TLR4: variants seen among roughly 807,000 people sequenced by gnomAD.
TLR4 encodes the protein toll like receptor 4.
A neutral mutation model predicts 27.4 loss-of-function variants in TLR4; 17 were observed. The ratio of observed to expected loss-of-function variants is 0.62; its 90% CI spans 0.42 to 0.93. The LOEUF is 0.93. TLR4 is among the 40% of genes least tolerant of loss of function. The pLI, the probability that TLR4 is intolerant of heterozygous loss-of-function variation, is 0.00. For synonymous variants in TLR4, 363 were observed against 365.7 expected, an observed-to-expected ratio of 0.99 and a Z score of 0.08; for missense variants, 926 against 962.3, an observed-to-expected ratio of 0.96 and a Z score of 0.50.
chr9:117,704,512 G>T lies in TLR4; in HGVS notation c.40G>T (p.Ala14Ser). 2 of 1,613,826 alleles carry T rather than the reference G, an allele frequency of 1.2e-6. No homozygotes were observed. The highest frequency in any genetic ancestry group is 1.7e-6 in the Non-Finnish European group (2 of 1,179,962). ...ASRLAGTLIP[A>S]MAFLSCVRPE... is the part of the protein sequence containing the mutation. Reference sequence around the variant, plus strand: ...GCGCCTGGCTGGGACTCTGATCCCAGCCATGGCCTTCCTCTCCTGCGTGAG... The same window carrying T: ...GCGCCTGGCTGGGACTCTGATCCCATCCATGGCCTTCCTCTCCTGCGTGAG... Residue 14 changes from alanine to serine, a missense_variant, in exon 1 of 3, where the codon GCC becomes TCC. Transcript: ENST00000355622.
chr9:117,708,575 A>G lies in TLR4; in HGVS notation c.106A>G (p.Ile36Val), dbSNP rs749333850. 1.2e-5 allele frequency: 19 copies of G among 1,613,672 alleles called. No individual in the cohort carries two copies. The highest frequency in any genetic ancestry group is 1.5e-5 in the Non-Finnish European group (18 of 1,179,756). ...WEPCVEVVPNITYQCMELNFY... is the reference protein window; with the variant it reads ...WEPCVEVVPNVTYQCMELNFY... ...GTAATCATTGCAGGTGGTTCCTAAT[A>G]TTACTTATCAATGCATGGAGCTGAA... is the stretch of plus-strand genomic sequence containing the variant. Residue 36 changes from isoleucine (I) to valine (V), a missense_variant, in exon 2 of 3, where the codon ATT becomes GTT. Physicochemically the swap from Ile to Val is conservative, Grantham distance 29. Transcript: ENST00000355622.
Position 117,704,520 on chromosome 9 carries a change from C to A in TLR4, c.48C>A (p.Ala16=), listed in dbSNP as rs1277381005. The A allele has an allele frequency of 1.2e-6, 2 of 1,613,936 alleles. No individual in the cohort carries two copies. Among genetic ancestry groups the A allele is most frequent in the South Asian group, 2.2e-5 (2 of 91,084 alleles). ...CTGGGACTCTGATCCCAGCCATGGC[C>A]TTCCTCTCCTGCGTGAGACCAGAAA... ...RLAGTLIPAM[A]FLSCVRPESW... Residue 16 remains alanine (A), a synonymous_variant, in exon 1 of 3, where the codon GCC becomes GCA. Coordinates refer to ENST00000355622, the MANE Select transcript of TLR4 (RefSeq NM_138554.5).
At chr9:117,704,662 A>G in intron 1 of TLR4, 97 bp downstream of exon 1, 1 of 1,041,488 alleles carries the variant, frequency 9.6e-7, no homozygotes. Flanking sequence ...AAAAAAAAAA[A>G]AGAGTTAAAT....
At position 117,713,162 on chromosome 9, in the gene TLR4, T is replaced by C; in HGVS notation, c.1034T>C (p.Phe345Ser). 1 of 1,614,014 alleles carries C rather than the reference T, an allele frequency of 6.2e-7. No homozygotes were observed. Residue 345 changes from phenylalanine to serine, a missense_variant, in exon 3 of 3, where the codon TTT becomes TCT. Coordinates refer to ENST00000355622, the MANE Select transcript of TLR4 (RefSeq NM_138554.5). ...LELVNCKFGQFPTLKLKSLKR... is the reference protein window; with the variant it reads ...LELVNCKFGQSPTLKLKSLKR... ...TTAGTTAACTGTAAATTTGGACAGT[T>C]TCCCACATTGAAACTCAAATCTCTC...
In TLR4 at chr9:117,716,411, A is replaced by G. The variant is rs1168307866; in HGVS notation, c.*1763A>G. ...AAAAGGGGGAATCCTGTTATTTATGACAACATGAATAAACCCGGAGGCCAT... is the reference window on the plus strand; with the variant it reads ...AAAAGGGGGAATCCTGTTATTTATGGCAACATGAATAAACCCGGAGGCCAT... On this transcript the variant is annotated 3_prime_UTR_variant, in exon 3 of 3. Transcript: ENST00000355622. 6.6e-6 allele frequency: 1 copy of G among 152,200 alleles called. No homozygotes were observed. Among genetic ancestry groups the G allele is most frequent in the African/African-American group, 2.4e-5 (1 of 41,450 alleles). The allele number at this position is 152,200 out of a possible 1,614,324, so 9.4% of individuals were successfully genotyped here.
intron 1 of TLR4, chr9:117,708,073 T>G: frequency 1.3e-5 from 6 of 473,878 alleles, no homozygotes; most frequent in Non-Finnish European, 1.7e-5. Context: ...ATCCTTCCAA[T>G]TTTAGTGTAT....
chr9:117,713,641 C>T lies in TLR4; in HGVS notation c.1513C>T (p.Gln505Ter). Residue 505 changes from glutamine (Q) to a stop codon, truncating the protein, a stop_gained, in exon 3 of 3, where the codon CAG becomes TAG. Transcript: ENST00000355622. LOFTEE classifies it low-confidence loss of function (END_TRUNC). ...LRNLTFLDLS[Q>*]CQLEQLSPTA... ...AAACTTGACCTTCCTGGACCTCTCT[C>T]AGTGTCAACTGGAGCAGTTGTCTCC... The T allele has an allele frequency of 1.2e-6, 2 of 1,614,120 alleles. No homozygotes were observed. Among genetic ancestry groups the T allele is most frequent in the Non-Finnish European group, 1.7e-6 (2 of 1,180,036 alleles).
At chr9:117,711,978 A>T (rs1216247372) in intron 2 of TLR4, among the ~76,000 whole-genome samples, 1 of 152,188 alleles carries the variant, frequency 6.6e-6, no homozygotes, top group African/African-American at 2.4e-5. Context: ...CCAACTAACA[A>T]CTATCCATAT....
At chr9:117,712,332 T>C in intron 2 of TLR4, 57 bp from the exon 3 acceptor site, 2 of 1,513,634 alleles carry the variant, frequency 1.3e-6, no homozygotes, top group Non-Finnish European at 1.8e-6. Context: ...TAATATTCTA[T>C]TTTAGGTTCT....
intron 2 of TLR4, among the ~76,000 whole-genome samples, chr9:117,710,767 A>G (rs1829218571): frequency 6.6e-6 from 1 of 152,108 alleles, no homozygotes; most frequent in Non-Finnish European, 1.5e-5. Flanking sequence ...TTCTTTTTAT[A>G]GGTGAGGAAA....
Position 117,714,070 on chromosome 9 carries a change from G to A in TLR4, c.1942G>A (p.Ala648Thr), listed in dbSNP as rs201233099. The A allele has an allele frequency of 1.2e-6, 2 of 1,613,978 alleles. No homozygotes were observed. Among genetic ancestry groups the A allele is most frequent in the South Asian group, 1.1e-5 (1 of 91,080 alleles). Residue 648 changes from alanine to threonine, a missense_variant, in exon 3 of 3, where the codon GCA (alanine) becomes ACA (threonine). Coordinates refer to ENST00000355622, the MANE Select transcript of TLR4 (RefSeq NM_138554.5). ...CAGTGTGCTTGTAGTATCTGTTGTAGCAGTTCTGGTCTATAAGTTCTATTT... is the reference window on the plus strand; with the variant it reads ...CAGTGTGCTTGTAGTATCTGTTGTAACAGTTCTGGTCTATAAGTTCTATTT... ...VLSVLVVSVV[A>T]VLVYKFYFHL...
Position 117,713,451 on chromosome 9 carries a change from A to C in TLR4, c.1323A>C (p.Ser441=). Residue 441 remains serine, a synonymous_variant, in exon 3 of 3, where the codon TCA becomes TCC. Coordinates refer to ENST00000355622, the MANE Select transcript of TLR4 (RefSeq NM_138554.5). ...HSNLKQMSEF[S]VFLSLRNLIY... is the part of the protein sequence containing the mutation. Reference sequence around the variant, plus strand: ...ATTTGAAACAAATGAGTGAGTTTTCAGTATTCCTATCACTCAGAAACCTCA... The same window carrying C: ...ATTTGAAACAAATGAGTGAGTTTTCCGTATTCCTATCACTCAGAAACCTCA... 6.2e-7 allele frequency: 1 copy of C among 1,614,108 alleles called. No individual in the cohort carries two copies. Among genetic ancestry groups the C allele is most frequent in the Non-Finnish European group, 8.5e-7 (1 of 1,180,008 alleles).
At chr9:117,707,521 A>G (rs745973640) in intron 1 of TLR4, among the ~76,000 whole-genome samples, 1 of 152,224 alleles carries the variant, frequency 6.6e-6, no homozygotes, top group Non-Finnish European at 1.5e-5. Flanking sequence ...ATTGGTTTCA[A>G]ACAACAGAAA....
Position 117,714,483 on chromosome 9 carries a change from G to A in TLR4, c.2355G>A (p.Leu785=), listed in dbSNP as rs760359640. The A allele has an allele frequency of 5.6e-5, 90 of 1,613,684 alleles. 2 individuals carry two copies. In the South Asian group the frequency reaches 8.5e-4, roughly 15 times the overall value. ...CCCTGCTCAGGCAGCAGGTGGAGCTGTACCGCCTTCTCAGCAGGAACACTT... is the reference window on the plus strand; with the variant it reads ...CCCTGCTCAGGCAGCAGGTGGAGCTATACCGCCTTCTCAGCAGGAACACTT... ...EKTLLRQQVE[L]YRLLSRNTYL... The change falls in exon 3 of 3, where the codon CTG becomes CTA. Residue 785 remains leucine (L), a synonymous_variant. Transcript: ENST00000355622.
At chr9:117,712,145 T>C (rs1420079569) in intron 2 of TLR4, among the ~76,000 whole-genome samples, 1 of 152,150 alleles carries the variant, frequency 6.6e-6, no homozygotes, top group Admixed American at 6.6e-5. Flanking sequence ...TCTCCTCTGC[T>C]TATCATGTAT....
At position 117,704,412 on chromosome 9, in the gene TLR4, T is replaced by TAC; in HGVS notation, c.-60_-59insCA. 6.6e-7 allele frequency: 1 copy of TAC among 1,506,246 alleles called. No homozygotes were observed. 93.3% of individuals were successfully genotyped at this position (1,506,246 alleles called of 1,614,324 possible). A position where few individuals can be genotyped will look rare whatever the true frequency, so the allele number is the denominator to read the frequency against. ...CAGAAACTGCTCGGTCAGACGGTGATAGCGAGCCACGCATTCACAGGGCCA... is the reference window on the plus strand; with the variant it reads ...CAGAAACTGCTCGGTCAGACGGTGATACAGCGAGCCACGCATTCACAGGGCCA... On this transcript the variant is annotated 5_prime_UTR_variant, in exon 1 of 3. Transcript: ENST00000355622.
chr9:117,713,872 G>T lies in TLR4; in HGVS notation c.1744G>T (p.Ala582Ser), dbSNP rs201204460. 1.9e-6 allele frequency: 3 copies of T among 1,613,966 alleles called. No individual in the cohort carries two copies. The highest frequency in any genetic ancestry group is 1.7e-6 in the Non-Finnish European group (2 of 1,179,988). Residue 582 changes from alanine (A) to serine (S), a missense_variant, in exon 3 of 3, where the codon GCT (alanine) becomes TCT (serine). Transcript: ENST00000355622. ...AFLNLTQNDF[A>S]CTCEHQSFLQ... ...CTTAAATCTTACTCAGAATGACTTT[G>T]CTTGTACTTGTGAACACCAGAGTTT...
rs1452442766 is a variant in TLR4, at chr9:117,713,519, A to T, written c.1391A>T (p.Asn464Ile). The change falls in exon 3 of 3, where the codon AAT (asparagine) becomes ATT (isoleucine). Residue 464 changes from asparagine to isoleucine, a missense_variant. Transcript: ENST00000355622. ...ISHTHTRVAFNGIFNGLSSLE... is the reference protein window; with the variant it reads ...ISHTHTRVAFIGIFNGLSSLE... ...CATACTCACACCAGAGTTGCTTTCA[A>T]TGGCATCTTCAATGGCTTGTCCAGT... The T allele has an allele frequency of 4.3e-6, 7 of 1,614,130 alleles. No homozygotes were observed. In the South Asian group the frequency reaches 7.7e-5, roughly 18 times the overall value.
chr9:117,724,048 A>G lies in TLR4; in HGVS notation c.*9400A>G, dbSNP rs1337200655. ...TTCCTGCTTTCTTTCTTGAAATGCC[A>G]TTCATGATGGTCCCTTATATCACTA... is the stretch of plus-strand genomic sequence containing the variant. On this transcript the variant is annotated 3_prime_UTR_variant, in exon 3 of 3. Coordinates refer to ENST00000355622, the MANE Select transcript of TLR4 (RefSeq NM_138554.5). 6.6e-6 allele frequency: 1 copy of G among 152,202 alleles called. No homozygotes were observed. The highest frequency in any genetic ancestry group is 1.5e-5 in the Non-Finnish European group (1 of 68,046). 9.4% of individuals were successfully genotyped at this position (152,202 alleles called of 1,614,324 possible).
Sources: gnomAD v4.1 joint callset for allele counts (sites outside exome capture counted in the v4.1 genomes callset) on GRCh38, gnomAD v4.1.1 for gene constraint, MANE v1.5 for transcripts, NCBI Gene and HGNC (gene_info 2026-07-23, HGNC 2026-07-21) for gene names.